Variants in SHC4 observed in about 807,000 individuals in gnomAD.
SHC4 encodes SHC adaptor protein 4, also known as SHC-transforming protein 4.
A neutral mutation model predicts 69.4 loss-of-function variants in SHC4; 41 were observed. The ratio of observed to expected loss-of-function variants is 0.59; its 90% CI spans 0.46 to 0.77. The LOEUF is 0.77. SHC4 is among the 30% of genes least tolerant of loss of function. The pLI, the probability that SHC4 is intolerant of heterozygous loss-of-function variation, is 0.00. For synonymous variants in SHC4, 318 were observed against 299.3 expected, an observed-to-expected ratio of 1.06 and a Z score of -0.64; for missense variants, 777 against 783.8, an observed-to-expected ratio of 0.99 and a Z score of 0.10.
At chr15:48,835,755 T>C (rs1898886919) in intron 10 of SHC4, among the ~76,000 whole-genome samples, 1 of 152,194 alleles carries the variant, frequency 6.6e-6, no homozygotes, top group Admixed American at 6.5e-5. Context: ...TTTACAGTAC[T>C]ATCCACACTC....
In SHC4 at chr15:48,852,851, G is replaced by A. The variant is rs554675814; in HGVS notation, c.1243-1603C>T. Reference sequence around the variant, plus strand: ...TGGGAGGCGGAGGTTGCAGTGAGCCGAGATCACGCCACTGCACTTCAGCTT... The same window carrying A: ...TGGGAGGCGGAGGTTGCAGTGAGCCAAGATCACGCCACTGCACTTCAGCTT... On this transcript the variant is annotated intron_variant, in intron 8 of 11. Transcript: ENST00000332408. Among the ~76,000 whole-genome samples the A allele has an allele frequency of 1.3e-4, 19 of 151,402 alleles. 1 individual carries two copies. The highest frequency in any genetic ancestry group is 4.1e-4 in the African/African-American group (17 of 41,262).
intron 1 of SHC4, among the ~76,000 whole-genome samples, chr15:48,961,193 C>A (rs1202987482): frequency 2.0e-5 from 3 of 152,164 alleles, no homozygotes; most frequent in African/African-American, 7.2e-5. Flanking sequence ...CTGCTTCAAT[C>A]CATGTCAAAT....
chr15:48,876,909 C>T (rs1270326190), intron 4 of SHC4: 2 of 189,004 alleles, frequency 1.1e-5, no homozygotes, highest in Middle Eastern at 2.0e-3. Context: ...AACCATCACA[C>T]TTCTCATCCA....
chr15:48,881,178 C>T lies in SHC4; in HGVS notation c.840+3070G>A, dbSNP rs116698549. The stretch of plus-strand genomic sequence containing the variant: ...AAATGTTCGCTTAGATCAGATATCC[C>T]ATGTTGACTGTCTTCAGGCCACAGA... On this transcript the variant is annotated intron_variant, in intron 4 of 11. Transcript: ENST00000332408. 7.0e-3 allele frequency among the ~76,000 whole-genome samples: 1,067 copies of T among 152,144 alleles called. 9 individuals carry two copies. Among genetic ancestry groups the T allele is most frequent in the African/African-American group, 0.022 (912 of 41,486 alleles).
chr15:48,833,190 A>T (rs1898836107), intron 11 of SHC4, among the ~76,000 whole-genome samples: 1 of 152,122 alleles, frequency 6.6e-6, no homozygotes, highest in Admixed American at 6.5e-5. Flanking sequence ...GAATCACACC[A>T]ACCAGCCCAA....
At chr15:48,956,974 C>CT (rs773067812) in intron 1 of SHC4, among the ~76,000 whole-genome samples, 5 of 19,572 alleles carry the variant, frequency 2.6e-4, no homozygotes, top group African/African-American at 7.2e-4. Flanking sequence ...TTCTTTCTTT[C>CT]TTTTTTTTTT....
Position 48,834,957 on chromosome 15 carries a change from T to C in SHC4, c.1549A>G (p.Ile517Val), listed in dbSNP as rs745361018. 12 of 1,613,502 alleles carry C rather than the reference T, an allele frequency of 7.4e-6. No individual in the cohort carries two copies. The highest frequency in any genetic ancestry group is 1.7e-5 in the Admixed American group (1 of 59,932). ...QPASSHSLPH[I>V]KQQLWSEECY... ...TCTTCGCTCCACAGCTGCTGCTTAA[T>C]GTGTGGCAAAGAATGTGAGCTGGCA... Residue 517 changes from isoleucine to valine, a missense_variant, in exon 11 of 12, where the codon ATT (isoleucine) becomes GTT (valine). By Grantham distance (29) the Ile-to-Val change is conservative. Coordinates refer to ENST00000332408, the MANE Select transcript of SHC4 (RefSeq NM_203349.4).
At chr15:48,843,288 C>G in intron 10 of SHC4, 121 bp downstream of exon 10, 1 of 976,618 alleles carries the variant, frequency 1.0e-6, no homozygotes, top group Non-Finnish European at 1.5e-6. Context: ...AGGAACCAAC[C>G]CTGCTGACAC....
In SHC4 at chr15:48,911,820, G is replaced by A. The variant is rs150699441; in HGVS notation, c.656+13059C>T. Among the ~76,000 whole-genome samples, 207 of 152,200 alleles carry A rather than the reference G, an allele frequency of 1.4e-3. 2 individuals carry two copies. The highest frequency in any genetic ancestry group is 4.4e-3 in the African/African-American group (182 of 41,514). On this transcript the variant is annotated intron_variant, in intron 2 of 11. Transcript: ENST00000332408. ...TGGTGAATTCTCTCAGCATTTGTTC[G>A]TCTGAAAAAGACTGTATCTTTCCTT... is the stretch of plus-strand genomic sequence containing the variant.
chr15:48,843,584 A>C lies in SHC4; in HGVS notation c.1308T>G (p.Asn436Lys), dbSNP rs1296878525. 6.2e-7 allele frequency: 1 copy of C among 1,613,814 alleles called. No homozygotes were observed. Among genetic ancestry groups the C allele is most frequent in the South Asian group, 1.1e-5 (1 of 91,044 alleles). Residue 436 changes from asparagine to lysine, a missense_variant, in exon 10 of 12, where the codon AAT becomes AAG. Physicochemically the swap from Asn to Lys is moderately conservative, Grantham distance 94. Transcript: ENST00000332408. ...GGGACTGCACCCCTCTTGGATGGAC[A>C]TTACCTGTAGTGATTAGTAGTGATC... ...NCLEQSRAIG[N>K]VHPRGVQSQR...
intron 2 of SHC4, among the ~76,000 whole-genome samples, chr15:48,914,997 G>A (rs551816483): frequency 7.9e-5 from 12 of 152,284 alleles, no homozygotes; most frequent in Middle Eastern, 3.4e-3. Context: ...GGAATTATGC[G>A]TATGATTGTA....
At chr15:48,843,385 T>C (rs747821553) in intron 10 of SHC4, 24 bp downstream of exon 10, 2 of 1,585,818 alleles carry the variant, frequency 1.3e-6, no homozygotes, top group Middle Eastern at 1.9e-4. Context: ...AAGAAATGAA[T>C]ACAGACAGTG....
intron 7 of SHC4, among the ~76,000 whole-genome samples, chr15:48,856,460 TTGAG>T (rs1286136951): frequency 2.0e-5 from 3 of 152,208 alleles, no homozygotes; most frequent in Admixed American, 6.5e-5. Context: ...CAAAGTATTC[TTGAG>T]TATCTCCAGC....
intron 6 of SHC4, among the ~76,000 whole-genome samples, chr15:48,858,421 A>G (rs1899374788): frequency 6.6e-6 from 1 of 152,186 alleles, no homozygotes; most frequent in African/African-American, 2.4e-5. Context: ...ATAAGCATCA[A>G]AATCAGCACT....
At chr15:48,827,314 C>T (rs1328802832) in intron 11 of SHC4, among the ~76,000 whole-genome samples, 1 of 152,136 alleles carries the variant, frequency 6.6e-6, no homozygotes, top group Non-Finnish European at 1.5e-5. Context: ...TGTTAAGTTT[C>T]CTGATTTTGA....
chr15:48,927,642 T>G (rs1445230406), intron 1 of SHC4, among the ~76,000 whole-genome samples: 1 of 152,154 alleles, frequency 6.6e-6, no homozygotes, highest in Non-Finnish European at 1.5e-5. Flanking sequence ...CAGCTTCATC[T>G]GTGTCACTGT....
intron 10 of SHC4, among the ~76,000 whole-genome samples, chr15:48,836,940 G>A (rs1336548644): frequency 6.6e-6 from 1 of 152,142 alleles, no homozygotes; most frequent in African/African-American, 2.4e-5. Flanking sequence ...CTGACAAAAT[G>A]TATGCAGATT....
At position 48,862,808 on chromosome 15, in the gene SHC4, C is replaced by T. The variant is rs146366392; in HGVS notation, c.947-4993G>A. Among the ~76,000 whole-genome samples, 20 of 152,228 alleles carry T rather than the reference C, an allele frequency of 1.3e-4. No individual in the cohort carries two copies. The East Asian group carries it at 2.3e-3, about 18-fold the overall frequency. On this transcript the variant is annotated intron_variant, in intron 6 of 11. Transcript: ENST00000332408. ...CTCCTTCAGAAGAACCTTGCTCTTC[C>T]CCTCTGTTAGGTAATACTCATTTCT... is the stretch of plus-strand genomic sequence containing the variant.
Position 48,920,011 on chromosome 15 carries a change from G to GTT in SHC4, c.656+4866_656+4867dup, listed in dbSNP as rs1445735086. Among the ~76,000 whole-genome samples the GTT allele has an allele frequency of 2.5e-3, 372 of 147,466 alleles. 4 individuals are homozygous for GTT. Among genetic ancestry groups the GTT allele is most frequent in the Non-Finnish European group, 4.4e-3 (294 of 66,910 alleles). On this transcript the variant is annotated intron_variant, in intron 2 of 11. Coordinates refer to ENST00000332408, the MANE Select transcript of SHC4 (RefSeq NM_203349.4). ...AAATATAGGCCTACAAGTTCACGGA[G>GTT]TTTGTTTTTTTTTTTTTTTCTGAGA...
Sources: allele counts gnomAD v4.1 joint callset (sites outside exome capture counted in the v4.1 genomes callset), GRCh38; gene constraint gnomAD v4.1.1; transcripts MANE v1.5; gene names NCBI Gene and HGNC (gene_info 2026-07-23, HGNC 2026-07-21).